Variants in NTPCR observed in about 807,000 individuals in gnomAD.
NTPCR encodes the protein cancer-related nucleoside-triphosphatase.
A neutral mutation model predicts 19.5 loss-of-function variants in NTPCR; 15 were observed. The ratio of observed to expected loss-of-function variants is 0.77; its 90% confidence interval spans 0.51 to 1.18. The LOEUF (loss-of-function observed/expected upper bound fraction) is 1.18. Among genes scored for constraint, NTPCR ranks in the 50% most tolerant of loss-of-function variants. The pLI, the probability that NTPCR is intolerant of heterozygous loss-of-function variation, is 0.00. For synonymous variants in NTPCR, 90 were observed against 95.8 expected, an observed-to-expected ratio of 0.94 and a Z score of 0.36; for missense variants, 206 against 240.4, an observed-to-expected ratio of 0.86 and a Z score of 0.95.
chr1:232,955,471 A>G, intron 1 of NTPCR, 86 bp from the exon 2 acceptor site: 1 of 1,126,660 alleles, frequency 8.9e-7, no homozygotes, highest in Non-Finnish European at 1.2e-6. Context: ...TTGCTGCCTC[A>G]GAGTCCACAA....
At chr1:232,956,287 TA>T in intron 2 of NTPCR, 59 bp from the exon 3 acceptor site, 2 of 1,254,770 alleles carry the variant, frequency 1.6e-6, no homozygotes, top group Non-Finnish European at 2.3e-6. Context: ...GTGGAGCAGC[TA>T]AAAACCAGAA....
chr1:232,977,757 C>T (rs1669163473), intron 4 of NTPCR, among the ~76,000 whole-genome samples: 1 of 152,160 alleles, frequency 6.6e-6, no homozygotes, highest in Non-Finnish European at 1.5e-5. Context: ...GCTGGGTGCC[C>T]TCCTGGGCCC....
intron 3 of NTPCR, chr1:232,965,110 G>A (rs189914406): frequency 3.9e-5 from 6 of 152,238 alleles, no homozygotes; most frequent in East Asian, 1.9e-4. Flanking sequence ...AGTTATTTTC[G>A]AGTAATTTAG....
In NTPCR at chr1:232,956,423, G is replaced by A; in HGVS notation, c.274G>A (p.Ala92Thr). The stretch of plus-strand genomic sequence containing the variant: ...CGACCTGACTTCTTTTGAGCAGTTG[G>A]CACTACCCGTCTTGAGGAATGTGAG... The part of the protein sequence containing the change: ...VVDLTSFEQL[A>T]LPVLRNADCS... Residue 92 changes from alanine to threonine, a missense_variant, in exon 3 of 5, where the codon GCA (alanine) becomes ACA (threonine). By Grantham distance (58) the Ala-to-Thr change is moderately conservative. Transcript: ENST00000366628. 2 of 1,612,790 alleles carry A rather than the reference G, an allele frequency of 1.2e-6. No individual in the cohort carries two copies. Among genetic ancestry groups the A allele is most frequent in the East Asian group, 2.2e-5 (1 of 44,876 alleles).
chr1:232,960,644 G>T (rs538864357), intron 3 of NTPCR, among the ~76,000 whole-genome samples: 1 of 152,072 alleles, frequency 6.6e-6, no homozygotes, highest in Non-Finnish European at 1.5e-5. Flanking sequence ...GCCTAGCCTG[G>T]TTACGTTTCT....
chr1:232,966,109 A>T (rs919971915), intron 3 of NTPCR: 2 of 152,164 alleles, frequency 1.3e-5, no homozygotes, highest in African/African-American at 4.8e-5. Context: ...ATAAAATATG[A>T]CCGGAGCCCT....
rs1370881853 is a variant in NTPCR at position 232,969,994 on chromosome 1, A to G, written c.380A>G (p.Gln127Arg). ...GAGCTCTTCAGTCAGCTTTTCATTC[A>G]AGCTGTTCGTCAGACGCTGTCTACC... The part of the protein sequence containing the change: ...KMELFSQLFI[Q>R]AVRQTLSTPG... The change falls in exon 4 of 5, where the codon CAA (glutamine) becomes CGA (arginine). Residue 127 changes from glutamine to arginine, a missense_variant. By Grantham distance (43) the Gln-to-Arg change is conservative. Transcript: ENST00000366628. 6.2e-7 allele frequency: 1 copy of G among 1,614,188 alleles called. No individual in the cohort carries two copies. Among genetic ancestry groups the G allele is most frequent in the Non-Finnish European group, 8.5e-7 (1 of 1,180,030 alleles).
Position 232,982,371 on chromosome 1 carries a change from G to A in NTPCR, c.*4140G>A, listed in dbSNP as rs957177622. ...GGATGTGTGTGCACATCTGTGCCTCGGTATGCACACTCGAGATGCCCGCTC... is the reference window on the plus strand; with the variant it reads ...GGATGTGTGTGCACATCTGTGCCTCAGTATGCACACTCGAGATGCCCGCTC... On this transcript the variant is annotated 3_prime_UTR_variant, in exon 5 of 5. Coordinates refer to ENST00000366628, the MANE Select transcript of NTPCR (RefSeq NM_032324.3). 2.6e-5 allele frequency: 4 copies of A among 152,146 alleles called. No individual in the cohort carries two copies. Among genetic ancestry groups the A allele is most frequent in the African/African-American group, 7.2e-5 (3 of 41,406 alleles). The allele number at this position is 152,146 out of a possible 1,614,324, so 9.4% of individuals were successfully genotyped here. A position where few individuals can be genotyped will look rare whatever the true frequency, so the allele number is the denominator to read the frequency against.
At chr1:232,976,622 C>G in intron 4 of NTPCR, 1 of 1,421,690 alleles carries the variant, frequency 7.0e-7, no homozygotes. Flanking sequence ...AAAGGAAAAG[C>G]TGACTGTCCT....
chr1:232,964,163 T>C (rs1021223166), intron 3 of NTPCR: 2 of 152,216 alleles, frequency 1.3e-5, no homozygotes, highest in African/African-American at 4.8e-5. Flanking sequence ...TTGGAACATT[T>C]CCACAGTCAT....
intron 4 of NTPCR, among the ~76,000 whole-genome samples, chr1:232,973,870 A>G (rs1018225364): frequency 2.6e-5 from 4 of 152,242 alleles, no homozygotes; most frequent in Non-Finnish European, 5.9e-5. Flanking sequence ...ATTACCTGAC[A>G]AAGAGCAGAC....
intron 3 of NTPCR, among the ~76,000 whole-genome samples, chr1:232,957,024 T>A (rs1356989469): frequency 2.0e-5 from 3 of 152,228 alleles, no homozygotes; most frequent in African/African-American, 7.2e-5. Context: ...TTATTCCTAA[T>A]CTTAGAAAGA....
chr1:232,958,837 G>A (rs1668587932), intron 3 of NTPCR, among the ~76,000 whole-genome samples: 1 of 152,096 alleles, frequency 6.6e-6, no homozygotes, highest in Non-Finnish European at 1.5e-5. Context: ...GAACTGACTG[G>A]GTCAATACAA....
chr1:232,970,199 G>A lies in NTPCR; in HGVS notation c.504+81G>A, dbSNP rs1054658430. On this transcript the variant is annotated intron_variant, in intron 4 of 4. Coordinates refer to ENST00000366628, the MANE Select transcript of NTPCR (RefSeq NM_032324.3). ...GCAGATGGCTCTAAAATATCTCTTT[G>A]GTTTTGAGTTAACATTTTTTCCCTT... 1.7e-5 allele frequency: 20 copies of A among 1,160,412 alleles called. No individual in the cohort carries two copies. The African/African-American group carries it at 2.9e-4, about 17-fold the overall frequency. 71.9% of individuals were successfully genotyped at this position (1,160,412 alleles called of 1,614,324 possible).
At chr1:232,956,551 A>C in intron 3 of NTPCR, 108 bp downstream of exon 3, 1 of 718,700 alleles carries the variant, frequency 1.4e-6, no homozygotes. Context: ...CCAGTTTTGC[A>C]TTTTACAATT....
chr1:232,970,685 A>G (rs1421717246), intron 4 of NTPCR, among the ~76,000 whole-genome samples: 1 of 152,242 alleles, frequency 6.6e-6, no homozygotes, highest in Admixed American at 6.5e-5. Flanking sequence ...TTTATGTTTA[A>G]TAAATTTAAT....
chr1:232,973,697 C>G (rs1026791440), intron 4 of NTPCR, among the ~76,000 whole-genome samples: 3 of 152,174 alleles, frequency 2.0e-5, no homozygotes, highest in African/African-American at 7.2e-5. Context: ...AAAATAGTCT[C>G]AGCAAGAACT....
intron 3 of NTPCR, chr1:232,966,266 C>T (rs540773621): frequency 2.6e-5 from 4 of 152,326 alleles, no homozygotes; most frequent in African/African-American, 9.6e-5. Flanking sequence ...TTCTGAGAGA[C>T]ACTCCTTATT....
In NTPCR at chr1:232,950,680, C is replaced by G; in HGVS notation, c.-31C>G. The G allele has an allele frequency of 6.3e-7, 1 of 1,599,562 alleles. No homozygotes were observed. Among genetic ancestry groups the G allele is most frequent in the East Asian group, 2.2e-5 (1 of 44,534 alleles). ...TGCGACCCCAACCTGGACTGCTCCCCTGACCGCAACCCCTACCCCCGCCCA... is the reference window on the plus strand; with the variant it reads ...TGCGACCCCAACCTGGACTGCTCCCGTGACCGCAACCCCTACCCCCGCCCA... On this transcript the variant is annotated 5_prime_UTR_variant, in exon 1 of 5. Transcript: ENST00000366628.
Sources: allele counts gnomAD v4.1 joint callset (sites outside exome capture counted in the v4.1 genomes callset), GRCh38; gene constraint gnomAD v4.1.1; transcripts MANE v1.5; gene names NCBI Gene and HGNC (gene_info 2026-07-23, HGNC 2026-07-21).